The following KCNMA1 variants were observed in gnomAD, a reference collection of about 807,000 sequenced individuals.
KCNMA1 encodes Calcium-activated potassium channel subunit alpha-1.
KCNMA1 carries 29 observed loss-of-function variants against 140.0 expected under a neutral mutation model. The observed-to-expected ratio is 0.21, with a 90% CI of 0.15 to 0.28. The LOEUF is 0.28. Ranked by LOEUF, KCNMA1 falls within the 10% of genes least tolerant of loss-of-function variation. KCNMA1 has a pLI of 1.00. For missense variants in KCNMA1, 880 were observed against 1,602.2 expected (o/e 0.55, Z 7.70); for synonymous variants, 612 against 611.9 (o/e 1.00, Z 0.00).
intron 2 of KCNMA1, among the ~76,000 whole-genome samples, chr10:77,326,926 C>A (rs943296905): frequency 6.6e-6 from 1 of 152,020 alleles, no homozygotes; most frequent in Admixed American, 6.6e-5. Flanking sequence ...CCAAAGTGAG[C>A]CTACACTCCA....
chr10:77,322,258 G>A (rs747287667), intron 2 of KCNMA1, among the ~76,000 whole-genome samples: 8 of 152,148 alleles, frequency 5.3e-5, no homozygotes, highest in Non-Finnish European at 1.2e-4. Context: ...TGGAAGCATG[G>A]GAGAGTCCAC....
chr10:76,923,720 A>G lies in KCNMA1; in HGVS notation c.2903-8671T>C, dbSNP rs531820805. Among the ~76,000 whole-genome samples, 75 of 152,354 alleles carry G rather than the reference A, an allele frequency of 4.9e-4. 1 individual carries two copies. In the South Asian group the frequency reaches 0.015, roughly 30 times the overall value. ...AAGATAAGGCCAGATGCAGTGGCTC[A>G]TGCCTGTAATCCCAGTACTTTGGAG... On this transcript the variant is annotated intron_variant, in intron 23 of 27. Transcript: ENST00000286628.
At chr10:77,321,936 G>C (rs1222940039) in intron 2 of KCNMA1, among the ~76,000 whole-genome samples, 2 of 152,146 alleles carry the variant, frequency 1.3e-5, no homozygotes, top group African/African-American at 4.8e-5. Context: ...GCATTAATCA[G>C]GATAGACAAG....
chr10:77,129,001 G>T (rs1174292919), intron 5 of KCNMA1, among the ~76,000 whole-genome samples: 2 of 152,220 alleles, frequency 1.3e-5, no homozygotes, highest in Non-Finnish European at 2.9e-5. Context: ...CTCTGCCATT[G>T]CAATCACCCG....
intron 19 of KCNMA1, among the ~76,000 whole-genome samples, chr10:76,973,718 A>G (rs754674828): frequency 1.3e-5 from 2 of 152,256 alleles, no homozygotes; most frequent in Non-Finnish European, 2.9e-5. Context: ...AACACTGGCC[A>G]GAACTCTGGG....
At chr10:77,521,239 G>C (rs975316037) in intron 1 of KCNMA1, among the ~76,000 whole-genome samples, 2 of 152,132 alleles carry the variant, frequency 1.3e-5, no homozygotes, top group Non-Finnish European at 2.9e-5. Flanking sequence ...CCAGGACAGG[G>C]GGACACCTTT....
intron 2 of KCNMA1, among the ~76,000 whole-genome samples, chr10:77,381,445 G>A (rs1460297156): frequency 3.3e-5 from 5 of 152,218 alleles, no homozygotes; most frequent in Non-Finnish European, 2.9e-5. Context: ...ACTAACTTGC[G>A]GTGTAAACAT....
intron 1 of KCNMA1, among the ~76,000 whole-genome samples, chr10:77,468,448 G>T (rs1260675127): frequency 1.3e-5 from 2 of 152,162 alleles, no homozygotes; most frequent in Non-Finnish European, 2.9e-5. Flanking sequence ...TCAAAGATGT[G>T]ATAAAATTAA....
At chr10:77,362,153 C>T (rs2094003288) in intron 2 of KCNMA1, among the ~76,000 whole-genome samples, 1 of 152,122 alleles carries the variant, frequency 6.6e-6, no homozygotes, top group Non-Finnish European at 1.5e-5. Flanking sequence ...TGGAGGAGGG[C>T]AGGCTGGCAA....
chr10:77,030,776 G>A (rs576661358), intron 15 of KCNMA1, among the ~76,000 whole-genome samples: 131 of 152,278 alleles, frequency 8.6e-4, no homozygotes, highest in Middle Eastern at 3.4e-3. Flanking sequence ...GGATGGACCC[G>A]CAGATCTGAG....
At chr10:77,312,613 G>A (rs1427272940) in intron 2 of KCNMA1, among the ~76,000 whole-genome samples, 7 of 152,188 alleles carry the variant, frequency 4.6e-5, no homozygotes, top group African/African-American at 1.4e-4. Flanking sequence ...GCAACAGAGC[G>A]AGATTCTGTC....
At chr10:77,081,106 C>T (rs1398098859) in intron 12 of KCNMA1, among the ~76,000 whole-genome samples, 2 of 152,114 alleles carry the variant, frequency 1.3e-5, no homozygotes, top group Admixed American at 1.3e-4. Flanking sequence ...GTCCTCCCCA[C>T]ATCAATTATG....
chr10:77,386,200 A>G (rs1300404428), intron 2 of KCNMA1, among the ~76,000 whole-genome samples: 1 of 152,208 alleles, frequency 6.6e-6, no homozygotes, highest in Non-Finnish European at 1.5e-5. Flanking sequence ...AGCCTTTCCT[A>G]GTTGCATGCA....
chr10:77,600,869 G>T (rs960113615), intron 1 of KCNMA1, among the ~76,000 whole-genome samples: 2 of 152,052 alleles, frequency 1.3e-5, no homozygotes, highest in African/African-American at 4.8e-5. Context: ...ATGCACCAAG[G>T]GCTTCTGTTC....
chr10:77,239,441 G>A (rs2056628654), intron 3 of KCNMA1, among the ~76,000 whole-genome samples: 1 of 152,186 alleles, frequency 6.6e-6, no homozygotes, highest in South Asian at 2.1e-4. Context: ...GCAGGTCTCT[G>A]CATGGGTGTG....
intron 2 of KCNMA1, among the ~76,000 whole-genome samples, chr10:77,368,804 C>A (rs2094513890): frequency 6.6e-6 from 1 of 152,164 alleles, no homozygotes; most frequent in Non-Finnish European, 1.5e-5. Context: ...ACTCCTTCTC[C>A]ATTGAATTGT....
At chr10:77,216,287 T>C (rs946073560) in intron 3 of KCNMA1, among the ~76,000 whole-genome samples, 7 of 152,254 alleles carry the variant, frequency 4.6e-5, no homozygotes, top group Admixed American at 6.5e-5. Context: ...TGCACAAATC[T>C]GTGACTATAC....
intron 1 of KCNMA1, among the ~76,000 whole-genome samples, chr10:77,430,512 T>C (rs583728): frequency 0.49 from 74,224 of 151,986 alleles, 19,739 homozygotes; most frequent in African/African-American, 0.7. Flanking sequence ...AACCTCTAAA[T>C]TGATTGAGAA....
intron 2 of KCNMA1, among the ~76,000 whole-genome samples, chr10:77,271,199 A>G (rs1180245116): frequency 6.6e-6 from 1 of 152,230 alleles, no homozygotes; most frequent in African/African-American, 2.4e-5. Context: ...GTTAAACACA[A>G]ATTAAAAACT....
Sources: gnomAD v4.1 joint callset for allele counts (sites outside exome capture counted in the v4.1 genomes callset) on GRCh38, gnomAD v4.1.1 for gene constraint, MANE v1.5 for transcripts, NCBI Gene and HGNC (gene_info 2026-07-23, HGNC 2026-07-21) for gene names.